NFIA: variants seen among roughly 807,000 people sequenced by gnomAD.
NFIA encodes nuclear factor I A.
NFIA carries 8 observed loss-of-function variants against 62.8 expected under a neutral mutation model. That is an observed-to-expected ratio of 0.13 (90% CI 0.07 to 0.23). NFIA has a LOEUF of 0.23. Among genes scored for constraint, NFIA ranks in the 10% least tolerant of loss-of-function variants. The pLI, the probability that NFIA is intolerant of heterozygous loss-of-function variation, is 1.00. For missense variants in NFIA, 410 were observed against 642.1 expected, an observed-to-expected ratio of 0.64 and a Z score of 3.91; for synonymous variants, 235 against 238.1, an observed-to-expected ratio of 0.99 and a Z score of 0.12.
chr1:61,422,283 A>G (rs1398577473), intron 9 of NFIA, among the ~76,000 whole-genome samples: 2 of 152,146 alleles, frequency 1.3e-5, no homozygotes. Context: ...AGAAACCTCA[A>G]CTGACGTTGG....
intron 2 of NFIA, among the ~76,000 whole-genome samples, chr1:61,257,338 T>TTG (rs1192506026): frequency 6.3e-4 from 84 of 132,386 alleles, no homozygotes; most frequent in African/African-American, 2.3e-3. Flanking sequence ...TGTTTTTTTT[T>TTG]TTTTTTTTTT....
intron 4 of NFIA, among the ~76,000 whole-genome samples, chr1:61,341,060 CTTTTTTTTTTT>C (rs35203949): frequency 1.8e-5 from 2 of 108,794 alleles, no homozygotes; most frequent in African/African-American, 7.2e-5. Flanking sequence ...TACCGGCATT[CTTTTTTTTTTT>C]TTTTTTTTTT....
intron 2 of NFIA, among the ~76,000 whole-genome samples, chr1:61,168,594 C>T (rs749914017): frequency 2.0e-5 from 3 of 152,182 alleles, no homozygotes; most frequent in Non-Finnish European, 4.4e-5. Context: ...TGAACACCAA[C>T]ATATTCTTAT....
At chr1:61,155,371 T>C (rs1648721870) in intron 2 of NFIA, among the ~76,000 whole-genome samples, 1 of 152,194 alleles carries the variant, frequency 6.6e-6, no homozygotes, top group Admixed American at 6.5e-5. Flanking sequence ...AAATGATGTT[T>C]GACTTTAAAA....
chr1:61,407,308 G>A (rs1665890602), intron 9 of NFIA, among the ~76,000 whole-genome samples: 1 of 152,124 alleles, frequency 6.6e-6, no homozygotes, highest in African/African-American at 2.4e-5. Flanking sequence ...CTGGGGTACG[G>A]AGATAGAGGG....
intron 2 of NFIA, among the ~76,000 whole-genome samples, chr1:61,207,360 A>G (rs1169023869): frequency 6.6e-6 from 1 of 152,184 alleles, no homozygotes; most frequent in Non-Finnish European, 1.5e-5. Context: ...CATGATTTTT[A>G]GATTTAAAAC....
chr1:61,437,582 T>G (rs921621706), intron 10 of NFIA, among the ~76,000 whole-genome samples: 1 of 152,196 alleles, frequency 6.6e-6, no homozygotes, highest in Non-Finnish European at 1.5e-5. Flanking sequence ...ATGTACATTA[T>G]TCAATCCCTG....
rs201517029 is a variant in NFIA at position 61,327,034 on chromosome 1, A to ATAT, written c.626-5478_626-5477insTAT. Among the ~76,000 whole-genome samples, 307 of 147,592 alleles carry ATAT rather than the reference A, an allele frequency of 2.1e-3. 3 individuals are homozygous for ATAT. The highest frequency in any genetic ancestry group is 0.02 in the East Asian group (103 of 5,090). Reference sequence around the variant, plus strand: ...GCATTCTTTCTTTTTAAAAGAAAAAAAAATATATATATATGATATGTATAT... The same window carrying ATAT: ...GCATTCTTTCTTTTTAAAAGAAAAAATATAAATATATATATATGATATGTATAT... On this transcript the variant is annotated intron_variant, in intron 3 of 10. Coordinates refer to ENST00000403491, the MANE Select transcript of NFIA (RefSeq NM_001134673.4).
intron 6 of NFIA, among the ~76,000 whole-genome samples, chr1:61,365,856 A>G (rs1471740475): frequency 6.6e-6 from 1 of 152,166 alleles, no homozygotes; most frequent in Non-Finnish European, 1.5e-5. Context: ...ATCACGTGAA[A>G]TATCATCATT....
intron 2 of NFIA, among the ~76,000 whole-genome samples, chr1:61,200,488 A>G (rs1557632415): frequency 6.6e-6 from 1 of 152,178 alleles, no homozygotes; most frequent in Non-Finnish European, 1.5e-5. Context: ...GCCTTTATAT[A>G]GCATCTGATT....
intron 2 of NFIA, among the ~76,000 whole-genome samples, chr1:61,244,182 A>G (rs1450669311): frequency 2.0e-5 from 3 of 152,162 alleles, no homozygotes; most frequent in Admixed American, 2.0e-4. Context: ...TCTTTAATCT[A>G]TGTGCCAACA....
intron 2 of NFIA, among the ~76,000 whole-genome samples, chr1:61,195,777 A>T (rs1161444878): frequency 6.6e-6 from 1 of 152,184 alleles, no homozygotes; most frequent in Non-Finnish European, 1.5e-5. Context: ...TATCTCTTTT[A>T]AAAGCTACTT....
intron 9 of NFIA, among the ~76,000 whole-genome samples, chr1:61,416,965 A>G (rs1666376070): frequency 6.6e-6 from 1 of 152,152 alleles, no homozygotes; most frequent in African/African-American, 2.4e-5. Context: ...GGTACATTGA[A>G]ATAGATGAAA....
intron 2 of NFIA, among the ~76,000 whole-genome samples, chr1:61,193,340 G>C (rs1464854382): frequency 6.6e-6 from 1 of 152,298 alleles, no homozygotes; most frequent in Admixed American, 6.5e-5. Flanking sequence ...CTACAAGAAG[G>C]ATCTTTTGTT....
Position 61,082,861 on chromosome 1 carries a change from C to T in NFIA, c.27+43C>T, listed in dbSNP as rs1334898557. The T allele has an allele frequency of 7.9e-6, 12 of 1,520,814 alleles. No individual in the cohort carries two copies. In the African/African-American group the frequency reaches 9.8e-5, roughly 12 times the overall value. The allele number at this position is 1,520,814 out of a possible 1,614,324, so 94.2% of individuals were successfully genotyped here. A position where few individuals can be genotyped will look rare whatever the true frequency, so the allele number is the denominator to read the frequency against. ...TGCGGAGGGCTTGGGGGCCGGGGCGCCGGGGGCAGGGCTGGGGCTGGGTGG... is the reference window on the plus strand; with the variant it reads ...TGCGGAGGGCTTGGGGGCCGGGGCGTCGGGGGCAGGGCTGGGGCTGGGTGG... On this transcript the variant is annotated intron_variant, in intron 1 of 10. Transcript: ENST00000403491.
chr1:61,169,598 C>T (rs190960751), intron 2 of NFIA, among the ~76,000 whole-genome samples: 2 of 152,274 alleles, frequency 1.3e-5, no homozygotes, highest in African/African-American at 4.8e-5. Flanking sequence ...GTTAGGTGTT[C>T]GTGTACTCAG....
chr1:61,201,576 G>A (rs982599280), intron 2 of NFIA, among the ~76,000 whole-genome samples: 1 of 151,896 alleles, frequency 6.6e-6, no homozygotes, highest in African/African-American at 2.4e-5. Flanking sequence ...GGGGCCATCA[G>A]GTGGTAAAAG....
chr1:61,278,443 G>A lies in NFIA; in HGVS notation c.625+858G>A, dbSNP rs529795923. ...TGCTGATAGCACTGAGGACTCTGGT[G>A]GAATGCTTTACCTTGAAGGGCCTGT... is the stretch of plus-strand genomic sequence containing the variant. On this transcript the variant is annotated intron_variant, in intron 3 of 10. Coordinates refer to ENST00000403491, the MANE Select transcript of NFIA (RefSeq NM_001134673.4). Among the ~76,000 whole-genome samples the A allele has an allele frequency of 3.3e-5, 5 of 152,236 alleles. No individual in the cohort carries two copies. In the East Asian group the frequency reaches 9.7e-4, roughly 29 times the overall value.
intron 10 of NFIA, among the ~76,000 whole-genome samples, chr1:61,432,150 G>A (rs554463327): frequency 1.1e-4 from 16 of 152,034 alleles, no homozygotes; most frequent in Admixed American, 3.9e-4. Flanking sequence ...AGAAGAGGCT[G>A]GATAGTTTTT....
Sources: allele counts gnomAD v4.1 joint callset (sites outside exome capture counted in the v4.1 genomes callset), GRCh38; gene constraint gnomAD v4.1.1; transcripts MANE v1.5; gene names NCBI Gene and HGNC (gene_info 2026-07-23, HGNC 2026-07-21).